The following CAMK2B variants were observed in gnomAD, a reference collection of about 807,000 sequenced individuals.
CAMK2B encodes the protein calcium/calmodulin-dependent protein kinase type II subunit beta.
Under a neutral mutation model 93.7 loss-of-function variants are expected in CAMK2B, and 27 were observed. That is an observed-to-expected ratio of 0.29 (90% CI 0.21 to 0.40). The LOEUF (loss-of-function observed/expected upper bound fraction) is 0.40, where lower values mean the gene tolerates loss of function less well. Ranked by LOEUF, CAMK2B falls within the 10% of genes least tolerant of loss-of-function variation. The probability of loss-of-function intolerance (pLI) is 1.00; values close to 1 mark genes in which losing one functional copy is unlikely to be tolerated. For synonymous variants in CAMK2B, 374 were observed against 358.8 expected (o/e 1.04, Z -0.48); for missense variants, 568 against 895.8 (o/e 0.63, Z 4.67).
At chr7:44,281,809 G>A (rs1053715530) in intron 2 of CAMK2B, among the ~76,000 whole-genome samples, 2 of 152,060 alleles carry the variant, frequency 1.3e-5, no homozygotes, top group Non-Finnish European at 2.9e-5. Flanking sequence ...AGAGCTCATC[G>A]AAGCTGACCC....
At chr7:44,290,274 G>A (rs1038884621) in intron 1 of CAMK2B, among the ~76,000 whole-genome samples, 5 of 152,196 alleles carry the variant, frequency 3.3e-5, no homozygotes, top group Non-Finnish European at 4.4e-5. Flanking sequence ...TTTGTAAATC[G>A]AAATTTCCCA....
chr7:44,239,301 G>A (rs937148000), intron 13 of CAMK2B, among the ~76,000 whole-genome samples: 2 of 152,218 alleles, frequency 1.3e-5, no homozygotes, highest in Admixed American at 6.5e-5. Context: ...CTTAATGGGG[G>A]TCTCCGGACC....
Position 44,242,640 on chromosome 7 carries a change from T to G in CAMK2B, c.616A>C (p.Ile206Leu). The G allele has an allele frequency of 6.2e-7, 1 of 1,611,526 alleles. No homozygotes were observed. The highest frequency in any genetic ancestry group is 8.5e-7 in the Non-Finnish European group (1 of 1,179,038). ...DIWACGVILY[I>L]LLVGYPPFWD... is the part of the protein sequence containing the mutation. ...AAGGGTGGGTAGCCCACGAGCAGGA[T>G]GTACAGGATCACCCCTGCGGATGGG... The change falls in exon 9 of 24, where the codon ATC becomes CTC. Residue 206 changes from isoleucine to leucine, a missense_variant. Ile to Leu is a conservative substitution (Grantham distance 5). Transcript: ENST00000395749.
intron 16 of CAMK2B, 122 bp downstream of exon 16, chr7:44,232,700 G>T: frequency 1.2e-6 from 1 of 818,778 alleles, no homozygotes; most frequent in Non-Finnish European, 1.9e-6. Context: ...CGTACTGCGG[G>T]GAGGGGCGGC....
intron 1 of CAMK2B, among the ~76,000 whole-genome samples, chr7:44,304,926 T>G (rs1791043128): frequency 6.6e-6 from 1 of 151,802 alleles, no homozygotes; most frequent in Non-Finnish European, 1.5e-5. Context: ...TAATTTCTTT[T>G]TCATTGTAAA....
intron 20 of CAMK2B, among the ~76,000 whole-genome samples, chr7:44,221,265 C>T (rs74781611): frequency 8.3e-4 from 127 of 152,352 alleles, no homozygotes; most frequent in African/African-American, 2.9e-3. Flanking sequence ...CCTGCCCTCC[C>T]GTGAGCCAGC....
Position 44,225,716 on chromosome 7 carries a change from A to C in CAMK2B, c.1597+800T>G. 2 of 1,288,090 alleles carry C rather than the reference A, an allele frequency of 1.6e-6. No individual in the cohort carries two copies. Among genetic ancestry groups the C allele is most frequent in the Non-Finnish European group, 2.0e-6 (2 of 987,712 alleles). The allele number at this position is 1,288,090 out of a possible 1,614,324, so 79.8% of individuals were successfully genotyped here. A position where few individuals can be genotyped will look rare whatever the true frequency, so the allele number is the denominator to read the frequency against. On this transcript the variant is annotated intron_variant, in intron 20 of 23. Transcript: ENST00000395749. This position sits in a 1 kb window ranked among gnomAD's most constrained non-coding sequence, Gnocchi z 5.0. ...GCAGCAGCCCCCAGGCCCAGCCTGC[A>C]GAGGGGACGGTGGCAAGCAGACCCC... is the stretch of plus-strand genomic sequence containing the variant.
Position 44,300,026 on chromosome 7 carries a change from G to C in CAMK2B, c.66-15801C>G, listed in dbSNP as rs13247426. 3.4e-3 allele frequency among the ~76,000 whole-genome samples: 333 copies of C among 98,262 alleles called. 1 individual carries two copies. The highest frequency in any genetic ancestry group is 9.1e-3 in the African/African-American group (306 of 33,608). 64.5% of individuals were successfully genotyped at this position (98,262 alleles called of 152,430 possible). ...TATGTATATGTGTATGTGTCTGTGT[G>C]TGTGTGTGTGTGTGTGTGTGTGTGT... On this transcript the variant is annotated intron_variant, in intron 1 of 23. Transcript: ENST00000395749.
intron 13 of CAMK2B, among the ~76,000 whole-genome samples, chr7:44,237,802 TGCAG>T: frequency 6.6e-6 from 1 of 152,346 alleles, no homozygotes; most frequent in East Asian, 1.9e-4. Flanking sequence ...TTGGGGGTTC[TGCAG>T]GCCTCTGTGG....
intron 1 of CAMK2B, among the ~76,000 whole-genome samples, chr7:44,297,699 A>G (rs536868070): frequency 6.6e-6 from 1 of 152,210 alleles, no homozygotes; most frequent in East Asian, 1.9e-4. Context: ...CAAAATTCCA[A>G]TGGCTTTTTT....
chr7:44,259,839 G>A (rs2096865030), intron 3 of CAMK2B, among the ~76,000 whole-genome samples: 1 of 152,166 alleles, frequency 6.6e-6, no homozygotes, highest in South Asian at 2.1e-4. Context: ...CAACGAGGAC[G>A]ACGACAGCCA....
At chr7:44,239,946 A>T (rs1455422267) in intron 12 of CAMK2B, among the ~76,000 whole-genome samples, 1 of 152,142 alleles carries the variant, frequency 6.6e-6, no homozygotes, top group South Asian at 2.1e-4. Context: ...CAGTCCTATT[A>T]GTGTTGGTGT....
intron 2 of CAMK2B, among the ~76,000 whole-genome samples, chr7:44,269,449 G>A (rs568446757): frequency 7.9e-5 from 12 of 152,298 alleles, no homozygotes; most frequent in East Asian, 5.8e-4. Flanking sequence ...GAAGGGGTCC[G>A]GGATGGAGCT....
intron 13 of CAMK2B, among the ~76,000 whole-genome samples, chr7:44,238,885 T>C (rs1562857130): frequency 6.6e-6 from 1 of 151,242 alleles, no homozygotes; most frequent in Non-Finnish European, 1.5e-5. Context: ...GGTCTGCCCA[T>C]GGTCACAAGC....
At chr7:44,313,716 C>T (rs1794142122) in intron 1 of CAMK2B, among the ~76,000 whole-genome samples, 1 of 146,162 alleles carries the variant, frequency 6.8e-6, no homozygotes, top group Non-Finnish European at 1.5e-5. Context: ...CGCCCCAGGC[C>T]CAGCTTATGT....
chr7:44,322,721 G>A (rs1380463316), intron 1 of CAMK2B, among the ~76,000 whole-genome samples: 1 of 152,216 alleles, frequency 6.6e-6, no homozygotes, highest in Admixed American at 6.5e-5. Context: ...GGCTGACCCT[G>A]CTGCCCAGGC....
At chr7:44,233,416 C>T (rs752879960) in intron 15 of CAMK2B, among the ~76,000 whole-genome samples, 1 of 151,986 alleles carries the variant, frequency 6.6e-6, no homozygotes, top group African/African-American at 2.4e-5. Flanking sequence ...CTGAGCAGCT[C>T]GCCCCTCCCA....
At chr7:44,319,576 C>CG (rs1007764520) in intron 1 of CAMK2B, among the ~76,000 whole-genome samples, 3 of 152,160 alleles carry the variant, frequency 2.0e-5, no homozygotes, top group Middle Eastern at 3.2e-3. Context: ...CCTTTGACCG[C>CG]GGCAGGAGTC....
chr7:44,309,563 C>T lies in CAMK2B; in HGVS notation c.65+15794G>A, dbSNP rs562111727. 3.3e-5 allele frequency among the ~76,000 whole-genome samples: 5 copies of T among 152,348 alleles called. No homozygotes were observed. The South Asian group carries it at 1.0e-3, about 32-fold the overall frequency. On this transcript the variant is annotated intron_variant, in intron 1 of 23. Transcript: ENST00000395749. ...GGGGAGGGCCCTCGGGAAGGACAGG[C>T]AGAAGCGGTCCCCATCCGAGGAGTC...
Sources: gnomAD v4.1 joint callset for allele counts (sites outside exome capture counted in the v4.1 genomes callset) on GRCh38, gnomAD v4.1.1 for gene constraint, Gnocchi (gnomAD v3.1) non-coding constraint, MANE v1.5 for transcripts, NCBI Gene and HGNC (gene_info 2026-07-23, HGNC 2026-07-21) for gene names.